The following CLEC2B variants were observed in gnomAD, a reference collection of about 807,000 sequenced individuals.
CLEC2B encodes C-type (calcium dependent, carbohydrate-recognition domain) lectin, superfamily member 2 (activation-induced).
A neutral mutation model predicts 16.2 loss-of-function variants in CLEC2B; 14 were observed. That is an observed-to-expected ratio of 0.86 (90% CI 0.57 to 1.35). The LOEUF is 1.35. Ranked by LOEUF, CLEC2B falls within the 40% of genes most tolerant of loss-of-function variation. The probability of loss-of-function intolerance (pLI) is 0.00; values close to 1 mark genes in which losing one functional copy is unlikely to be tolerated. For synonymous variants in CLEC2B, 42 were observed against 55.8 expected (o/e 0.75, Z 1.10); for missense variants, 166 against 182.3 (o/e 0.91, Z 0.52).
At position 9,853,185 on chromosome 12, in the gene CLEC2B, G is replaced by T; in HGVS notation, c.*115C>A. 1 of 791,092 alleles carries T rather than the reference G, an allele frequency of 1.3e-6. No individual in the cohort carries two copies. Among genetic ancestry groups the T allele is most frequent in the Non-Finnish European group, 2.1e-6 (1 of 479,356 alleles). 49.0% of individuals were successfully genotyped at this position (791,092 alleles called of 1,614,324 possible). On this transcript the variant is annotated 3_prime_UTR_variant, in exon 5 of 5. Coordinates refer to ENST00000228438, the MANE Select transcript of CLEC2B (RefSeq NM_005127.3). Reference sequence around the variant, plus strand: ...CTTTTATGTGTAGCCTGACACGTAAGCAGAATTAACCAGACAGGTACAAAA... The same window carrying T: ...CTTTTATGTGTAGCCTGACACGTAATCAGAATTAACCAGACAGGTACAAAA...
In CLEC2B at chr12:9,852,391, T is replaced by C. The variant is rs185989343; in HGVS notation, c.*909A>G. Among the ~76,000 whole-genome samples, 259 of 152,288 alleles carry C rather than the reference T, an allele frequency of 1.7e-3. 1 individual carries two copies. Among genetic ancestry groups the C allele is most frequent in the African/African-American group, 5.3e-3 (219 of 41,556 alleles). On this transcript the variant is annotated 3_prime_UTR_variant, in exon 5 of 5. Coordinates refer to ENST00000228438, the MANE Select transcript of CLEC2B (RefSeq NM_005127.3). The stretch of plus-strand genomic sequence containing the variant: ...ACGTATTGTTTTGAAAGAAAGTTTA[T>C]TGGCCCTAGTAAAGTTTTGAGGAGC...
intron 1 of CLEC2B, among the ~76,000 whole-genome samples, chr12:9,868,863 A>T (rs10734816): frequency 1 from 151,735 of 152,216 alleles, 75,629 homozygotes; most frequent in East Asian, 1. Flanking sequence ...GGCTAAATTT[A>T]TCATATTATG....
At position 9,854,368 on chromosome 12, in the gene CLEC2B, AAAAT is replaced by A; in HGVS notation, c.341+9_341+12del. 1 of 1,585,728 alleles carries A rather than the reference AAAAT, an allele frequency of 6.3e-7. No individual in the cohort carries two copies. Among genetic ancestry groups the A allele is most frequent in the Non-Finnish European group, 8.6e-7 (1 of 1,156,558 alleles). On this transcript the variant is annotated intron_variant, in intron 4 of 4. Transcript: ENST00000228438. The stretch of plus-strand genomic sequence containing the variant: ...ATCTAAATTTAAGTGATCCCAGAAA[AAAAT>A]AAACTCACGATTTGGTAAATGTAGC...
chr12:9,867,368 A>C (rs562839644), intron 1 of CLEC2B: 1 of 152,334 alleles, frequency 6.6e-6, no homozygotes, highest in African/African-American at 2.4e-5. Context: ...ATGTCTGAAT[A>C]TGTAGGTACA....
At chr12:9,863,163 T>C (rs1867946180) in intron 1 of CLEC2B, among the ~76,000 whole-genome samples, 1 of 152,256 alleles carries the variant, frequency 6.6e-6, no homozygotes, top group South Asian at 2.1e-4. Flanking sequence ...ACTACTGGGA[T>C]ATCCCCTTTG....
chr12:9,867,781 ATAATC>A (rs1867983119), intron 1 of CLEC2B, among the ~76,000 whole-genome samples: 1 of 152,144 alleles, frequency 6.6e-6, no homozygotes, highest in African/African-American at 2.4e-5. Context: ...ATTTAAATGT[ATAATC>A]TAAACAGTTA....
intron 2 of CLEC2B, among the ~76,000 whole-genome samples, chr12:9,860,548 T>G (rs1477775764): frequency 6.6e-6 from 1 of 151,870 alleles, no homozygotes; most frequent in African/African-American, 2.4e-5. Flanking sequence ...TATGATTCAA[T>G]ATTAAGATAA....
chr12:9,853,507 T>G, intron 4 of CLEC2B, 99 bp from the exon 5 acceptor site: 1 of 845,340 alleles, frequency 1.2e-6, no homozygotes, highest in African/African-American at 1.7e-5. Context: ...TGCTGCAAGG[T>G]GTACTATGGC....
chr12:9,853,502 C>A, intron 4 of CLEC2B, 94 bp from the exon 5 acceptor site: 1 of 893,478 alleles, frequency 1.1e-6, no homozygotes. Context: ...TAAAGTGCTG[C>A]AAGGTGTACT....
rs1317926543 is a variant in CLEC2B, at chr12:9,857,489, G to A, written c.222C>T (p.Asp74=). 1 of 1,607,648 alleles carries A rather than the reference G, an allele frequency of 6.2e-7. No homozygotes were observed. The highest frequency in any genetic ancestry group is 8.5e-7 in the Non-Finnish European group (1 of 1,175,358). Residue 74 remains aspartate (D), a synonymous_variant, in exon 3 of 5, where the codon GAC becomes GAT. Transcript: ENST00000228438. The stretch of plus-strand genomic sequence containing the variant: ...AATTACTTACCATTTCTTCTATGTT[G>A]TCAATTATAGTTAGGTCGGCATGTT... The part of the protein sequence containing the change: ...STQHADLTII[D]NIEEMNFLRR...
chr12:9,868,818 C>G lies in CLEC2B; in HGVS notation c.-3+387G>C, dbSNP rs1262535378. On this transcript the variant is annotated intron_variant, in intron 1 of 4. Coordinates refer to ENST00000228438, the MANE Select transcript of CLEC2B (RefSeq NM_005127.3). ...AAAGCCCGGAGTATCTTTACACCAT[C>G]CAATAAAGCAATCTTTAAAAATATT... Among the ~76,000 whole-genome samples the G allele has an allele frequency of 3.3e-5, 5 of 152,018 alleles. No homozygotes were observed. In the East Asian group the frequency reaches 9.6e-4, roughly 29 times the overall value.
At chr12:9,864,918 C>T (rs746439135) in intron 1 of CLEC2B, among the ~76,000 whole-genome samples, 6 of 152,178 alleles carry the variant, frequency 3.9e-5, no homozygotes, top group Non-Finnish European at 8.8e-5. Flanking sequence ...TGCAGTGGCT[C>T]ACGCCTGTAA....
chr12:9,863,928 TAA>T (rs1449323520), intron 1 of CLEC2B, among the ~76,000 whole-genome samples: 1 of 151,918 alleles, frequency 6.6e-6, no homozygotes, highest in Non-Finnish European at 1.5e-5. Flanking sequence ...GAGAAAGAGA[TAA>T]AGATTCAGGC....
intron 4 of CLEC2B, among the ~76,000 whole-genome samples, 200 bp from the exon 5 acceptor site, chr12:9,853,608 T>C (rs1867869418): frequency 6.6e-6 from 1 of 152,206 alleles, no homozygotes; most frequent in Admixed American, 6.5e-5. Flanking sequence ...AAACTGGCAT[T>C]AGGTTGGTTA....
intron 2 of CLEC2B, among the ~76,000 whole-genome samples, chr12:9,858,057 CA>C (rs1565515140): frequency 6.6e-6 from 1 of 151,896 alleles, no homozygotes; most frequent in Non-Finnish European, 1.5e-5. Flanking sequence ...AAGCAAAATA[CA>C]AAATAAGTTG....
chr12:9,866,607 T>G (rs1312901870), intron 1 of CLEC2B, among the ~76,000 whole-genome samples: 1 of 152,132 alleles, frequency 6.6e-6, no homozygotes, highest in Non-Finnish European at 1.5e-5. Context: ...TTGTGTGTGT[T>G]AAGAGTGTAA....
intron 1 of CLEC2B, among the ~76,000 whole-genome samples, chr12:9,863,323 A>T (rs374047293): frequency 6.6e-6 from 1 of 152,298 alleles, no homozygotes; most frequent in Non-Finnish European, 1.5e-5. Context: ...AATTACAAGG[A>T]ATATTTAAAC....
At chr12:9,864,365 A>T (rs928825938) in intron 1 of CLEC2B, among the ~76,000 whole-genome samples, 1 of 152,186 alleles carries the variant, frequency 6.6e-6, no homozygotes, top group South Asian at 2.1e-4. Flanking sequence ...GAATATCTAA[A>T]ATACACTGAT....
intron 1 of CLEC2B, chr12:9,867,131 A>G (rs948910033): frequency 1.3e-5 from 2 of 152,164 alleles, no homozygotes; most frequent in Non-Finnish European, 2.9e-5. Flanking sequence ...ATATTGGAAC[A>G]TGGTCTTCTC....
Sources: gnomAD v4.1 joint callset for allele counts (sites outside exome capture counted in the v4.1 genomes callset) on GRCh38, gnomAD v4.1.1 for gene constraint, MANE v1.5 for transcripts, NCBI Gene and HGNC (gene_info 2026-07-23, HGNC 2026-07-21) for gene names.